KY: variants seen among roughly 807,000 people sequenced by gnomAD.
The protein encoded by KY is kyphoscoliosis peptidase.
KY carries 43 observed loss-of-function variants against 76.1 expected under a neutral mutation model. The observed-to-expected ratio is 0.57, with a 90% confidence interval of 0.44 to 0.73. The LOEUF (loss-of-function observed/expected upper bound fraction) is 0.73. KY is among the 30% of genes least tolerant of loss of function. The probability of loss-of-function intolerance (pLI) is 0.00; values close to 1 mark genes in which losing one functional copy is unlikely to be tolerated. For synonymous variants in KY, 277 were observed against 326.2 expected (o/e 0.85, Z 1.63); for missense variants, 722 against 828.9 (o/e 0.87, Z 1.58).
chr3:134,620,476 A>G (rs890426825), intron 7 of KY, among the ~76,000 whole-genome samples: 5 of 152,186 alleles, frequency 3.3e-5, no homozygotes, highest in African/African-American at 7.2e-5. Context: ...GACAGAGGGA[A>G]GGCTGCTGCT....
rs1376060273 is a variant in KY, at chr3:134,608,723, T to C, written c.1016A>G (p.Asn339Ser). ...PPQSLRQFENNMYHKSEFYNK... is the reference protein window; with the variant it reads ...PPQSLRQFENSMYHKSEFYNK... ...GTAGAATTCACTCTTGTGATACATGTTGTTCTCAAACTGCCTCAGAGATTG... is the reference window on the plus strand; with the variant it reads ...GTAGAATTCACTCTTGTGATACATGCTGTTCTCAAACTGCCTCAGAGATTG... Residue 339 changes from asparagine (N) to serine (S), a missense_variant, in exon 10 of 11, where the codon AAC becomes AGC. By Grantham distance (46) the Asn-to-Ser change is conservative. Around this residue, in one of 2 missense-constraint regions of KY, gnomAD observed 552 missense variants for 680.9 expected, o/e 0.81. Transcript: ENST00000423778. 1.9e-6 allele frequency: 3 copies of C among 1,614,078 alleles called. No individual in the cohort carries two copies. The highest frequency in any genetic ancestry group is 3.3e-5 in the Admixed American group (2 of 60,034).
chr3:134,650,754 G>A, intron 1 of KY, 71 bp downstream of exon 1: 1 of 1,382,678 alleles, frequency 7.2e-7, no homozygotes, highest in South Asian at 1.5e-5. Context: ...GCGCCCCCCG[G>A]CGGGCAGGCC....
At chr3:134,638,937 C>G (rs1440617646) in intron 3 of KY, among the ~76,000 whole-genome samples, 2 of 151,992 alleles carry the variant, frequency 1.3e-5, no homozygotes, top group Non-Finnish European at 2.9e-5. Context: ...TGCACATGCA[C>G]ACGGGTGTAT....
At chr3:134,609,450 G>T (rs1959919089) in intron 9 of KY, among the ~76,000 whole-genome samples, 1 of 152,202 alleles carries the variant, frequency 6.6e-6, no homozygotes, top group African/African-American at 2.4e-5. Flanking sequence ...TGTAGGATGT[G>T]TGTGCACATG....
At chr3:134,619,311 C>A in intron 7 of KY, 46 bp from the exon 8 acceptor site, 1 of 1,427,246 alleles carries the variant, frequency 7.0e-7, no homozygotes, top group Non-Finnish European at 9.9e-7. Context: ...GCCTGGGAGG[C>A]GAGAAGACTC....
intron 2 of KY, 122 bp downstream of exon 2, chr3:134,647,313 C>T: frequency 2.6e-6 from 2 of 779,388 alleles, no homozygotes; most frequent in South Asian, 1.6e-5. Context: ...GGGTCAGGAG[C>T]AGCCACTTTC....
chr3:134,649,497 T>A (rs993958659), intron 1 of KY, among the ~76,000 whole-genome samples: 1 of 152,146 alleles, frequency 6.6e-6, no homozygotes, highest in Admixed American at 6.5e-5. Context: ...TTCAGAGCAG[T>A]CTCATTTCTA....
chr3:134,605,597 G>A (rs1443491076), intron 10 of KY, among the ~76,000 whole-genome samples: 2 of 152,112 alleles, frequency 1.3e-5, no homozygotes, highest in Non-Finnish European at 2.9e-5. Context: ...CTTCGTGGCT[G>A]TCCCAGCTCA....
chr3:134,604,542 A>C, intron 10 of KY, 68 bp from the exon 11 acceptor site: 1 of 1,369,424 alleles, frequency 7.3e-7, no homozygotes, highest in Non-Finnish European at 1.0e-6. Context: ...TAAATGTTTA[A>C]CAACTGTCTC....
In KY at chr3:134,608,443, G is replaced by A. The variant is rs1289683897; in HGVS notation, c.1090+206C>T. ...GTGAGCTTTTGTCCCTGCTGATGTGGCCTATGGCCCTTCCCTGCCCTGATG... is the reference window on the plus strand; with the variant it reads ...GTGAGCTTTTGTCCCTGCTGATGTGACCTATGGCCCTTCCCTGCCCTGATG... On this transcript the variant is annotated intron_variant, in intron 10 of 10. Transcript: ENST00000423778. 8.6e-6 allele frequency: 13 copies of A among 1,516,838 alleles called. No homozygotes were observed. In the Admixed American group the frequency reaches 2.2e-4, roughly 26 times the overall value. The allele number at this position is 1,516,838 out of a possible 1,614,324, so 94.0% of individuals were successfully genotyped here.
rs376966195 is a variant in KY, at chr3:134,604,021, A to G, written c.1544T>C (p.Leu515Pro). Reference protein sequence around the residue: ...EETQRRYIFQLHREKQTELKV... With the variant: ...EETQRRYIFQPHREKQTELKV... ...CAGCTCGGTCTGCTTCTCCCGGTGC[A>G]GCTGGAAGATGTAGCGCCGCTGTGT... Residue 515 changes from leucine (L) to proline (P), a missense_variant, in exon 11 of 11, where the codon CTG (leucine) becomes CCG (proline). By Grantham distance (98) the Leu-to-Pro change is moderately conservative. Around this residue, in one of 2 missense-constraint regions of KY, gnomAD observed 552 missense variants for 680.9 expected, o/e 0.81. Transcript: ENST00000423778. 6.2e-7 allele frequency: 1 copy of G among 1,613,898 alleles called. No homozygotes were observed. The highest frequency in any genetic ancestry group is 8.5e-7 in the Non-Finnish European group (1 of 1,179,874).
chr3:134,603,563 G>T lies in KY; in HGVS notation c.*16C>A. 1.3e-6 allele frequency: 2 copies of T among 1,556,236 alleles called. No individual in the cohort carries two copies. Among genetic ancestry groups the T allele is most frequent in the South Asian group, 2.5e-5 (2 of 81,086 alleles). ...TGGCCTTGGCCCTTTGGGAGGGTAA[G>T]ACCGGGGCACAGCCCTCACTGGGCA... On this transcript the variant is annotated 3_prime_UTR_variant, in exon 11 of 11. Coordinates refer to ENST00000423778, the MANE Select transcript of KY (RefSeq NM_178554.6).
chr3:134,650,956 T>C lies in KY; in HGVS notation c.5A>G (p.Glu2Gly). Residue 2 changes from glutamate to glycine, a missense_variant, in exon 1 of 11, where the codon GAG (glutamate) becomes GGG (glycine). This residue lies in a region of KY where 170 missense variants were observed against 148.1 expected (regional missense o/e 1.15). Transcript: ENST00000423778. ...TACAGCGTTGATGTCCTTCTTCAGCTCCATGATGCCGCCTCCTTTCCGACC... is the reference window on the plus strand; with the variant it reads ...TACAGCGTTGATGTCCTTCTTCAGCCCCATGATGCCGCCTCCTTTCCGACC... M[E>G]LKKDINAVSI... The C allele has an allele frequency of 6.2e-7, 1 of 1,613,136 alleles. No homozygotes were observed. Among genetic ancestry groups the C allele is most frequent in the Non-Finnish European group, 8.5e-7 (1 of 1,179,436 alleles).
Position 134,602,234 on chromosome 3 carries a change from G to A in KY, c.*1345C>T, listed in dbSNP as rs1030604974. On this transcript the variant is annotated 3_prime_UTR_variant, in exon 11 of 11. Coordinates refer to ENST00000423778, the MANE Select transcript of KY (RefSeq NM_178554.6). ...GGATGGTTCTGCAGTGGCCATGTGG[G>A]GCCTCTCTCGCCTTTCCCTCTTATC... 6.6e-6 allele frequency among the ~76,000 whole-genome samples: 1 copy of A among 152,124 alleles called. No homozygotes were observed. Among genetic ancestry groups the A allele is most frequent in the African/African-American group, 2.4e-5 (1 of 41,418 alleles).
intron 8 of KY, chr3:134,610,601 A>C (rs1960198694): frequency 1.9e-6 from 1 of 514,416 alleles, no homozygotes; most frequent in Non-Finnish European, 3.4e-6. Flanking sequence ...GTTGGTACAG[A>C]CTGGCTGCAG....
intron 4 of KY, 187 bp downstream of exon 4, chr3:134,629,434 C>T (rs566228240): frequency 3.2e-5 from 18 of 559,528 alleles, no homozygotes; most frequent in African/African-American, 7.5e-5. Flanking sequence ...GCAAAATCAG[C>T]GGTAGCTGGG....
At chr3:134,643,947 C>T (rs1966104595) in intron 2 of KY, among the ~76,000 whole-genome samples, 1 of 152,068 alleles carries the variant, frequency 6.6e-6, no homozygotes, top group Non-Finnish European at 1.5e-5. Flanking sequence ...CTGCCTCCAC[C>T]TCCGGAGCAG....
chr3:134,620,894 G>A (rs777515386), intron 6 of KY, 37 bp from the exon 7 acceptor site: 28 of 1,307,104 alleles, frequency 2.1e-5, no homozygotes, highest in Middle Eastern at 1.8e-4. Context: ...TTAGGGCCTC[G>A]AGGAGGGGCT....
intron 3 of KY, among the ~76,000 whole-genome samples, chr3:134,637,281 T>C (rs1021955257): frequency 1.4e-4 from 21 of 152,236 alleles, no homozygotes; most frequent in Non-Finnish European, 1.0e-4. Flanking sequence ...CAGCAAATAC[T>C]TTCTGTGTGT....
Sources: gnomAD v4.1 joint callset for allele counts (sites outside exome capture counted in the v4.1 genomes callset) on GRCh38, gnomAD v4.1.1 for gene constraint, gnomAD v4.1.1 regional missense constraint, MANE v1.5 for transcripts, NCBI Gene and HGNC (gene_info 2026-07-23, HGNC 2026-07-21) for gene names.